BSN: variants seen among roughly 807,000 people sequenced by gnomAD.
BSN encodes bassoon presynaptic cytomatrix protein.
Under a neutral mutation model 264.8 loss-of-function variants are expected in BSN, and 57 were observed. That is an observed-to-expected ratio of 0.22 (90% CI 0.17 to 0.27). The LOEUF (loss-of-function observed/expected upper bound fraction) is 0.27. Among genes scored for constraint, BSN ranks in the 10% least tolerant of loss-of-function variants. The pLI is 1.00. For missense variants in BSN, 4,615 were observed against 5,232.5 expected, an observed-to-expected ratio of 0.88 and a Z score of 3.64; for synonymous variants, 2,059 against 2,137.3, an observed-to-expected ratio of 0.96 and a Z score of 1.01.
intron 2 of BSN, among the ~76,000 whole-genome samples, chr3:49,632,031 G>A (rs551211569): frequency 3.0e-4 from 45 of 152,196 alleles, no homozygotes; most frequent in South Asian, 2.7e-3. Context: ...TCACATATAC[G>A]GTCAGATGAT....
downstream of BSN, among the ~76,000 whole-genome samples, chr3:49,673,087 C>CTTTTTTTTTTTTTTTTTTTTTTTTT (rs71080543): frequency 5.6e-4 from 24 of 43,210 alleles, 5 homozygotes; most frequent in Non-Finnish European, 6.9e-4. Flanking sequence ...CCGGCCGGGA[C>CTTTTTTTTTTTTTTTTTTTTTTTTT]TTTTTTTTTT....
intron 1 of BSN, among the ~76,000 whole-genome samples, chr3:49,575,490 ATATG>A (rs1002211052): frequency 6.8e-5 from 10 of 147,600 alleles, no homozygotes; most frequent in African/African-American, 2.2e-4. Context: ...ATGTAAATAT[ATATG>A]TGTGTGTATA....
chr3:49,657,264 T>C lies in BSN; in HGVS notation c.7708T>C (p.Ser2570Pro), dbSNP rs779778120. The C allele has an allele frequency of 3.1e-6, 5 of 1,613,310 alleles. No homozygotes were observed. The South Asian group carries it at 3.3e-5, about 11-fold the overall frequency. The change falls in exon 5 of 12, where the codon TCT becomes CCT. Residue 2570 changes from serine (S) to proline (P), a missense_variant. Ser to Pro is a moderately conservative substitution (Grantham distance 74, BLOSUM62 -1). Around this residue, in one of 3 missense-constraint regions of BSN, gnomAD observed 3,415 missense variants for 3,866.4 expected, o/e 0.88. Coordinates refer to ENST00000296452, the MANE Select transcript of BSN (RefSeq NM_003458.4). Reference sequence around the variant, plus strand: ...CCTGCGGGATGCCTGTGAGCTAGAGTCTGGGACTGAGCCCTGTGTGGTCAG... The same window carrying C: ...CCTGCGGGATGCCTGTGAGCTAGAGCCTGGGACTGAGCCCTGTGTGGTCAG... ...PRLRDACELE[S>P]GTEPCVVRRI... is the part of the protein sequence containing the mutation.
At chr3:49,605,435 ATAT>A (rs2052108110) in intron 1 of BSN, among the ~76,000 whole-genome samples, 7 of 32,014 alleles carry the variant, frequency 2.2e-4, no homozygotes, top group African/African-American at 9.6e-4. Context: ...TATATAATAT[ATAT>A]TATATATATT....
chr3:49,636,281 G>A (rs2052419693), intron 2 of BSN, among the ~76,000 whole-genome samples: 1 of 152,162 alleles, frequency 6.6e-6, no homozygotes, highest in Admixed American at 6.5e-5. Flanking sequence ...CAGAAGCCAG[G>A]AGGGGAAGCT....
At chr3:49,628,976 C>T (rs1023124218) in intron 2 of BSN, among the ~76,000 whole-genome samples, 2 of 152,072 alleles carry the variant, frequency 1.3e-5, no homozygotes, top group Non-Finnish European at 2.9e-5. Flanking sequence ...TTAACCTGTC[C>T]GAAACCACAG....
At chr3:49,612,537 A>G (rs1018034146) in intron 1 of BSN, among the ~76,000 whole-genome samples, 2 of 152,198 alleles carry the variant, frequency 1.3e-5, no homozygotes, top group South Asian at 2.1e-4. Flanking sequence ...ATTATGATCT[A>G]TTGGACTGGT....
chr3:49,570,443 A>G (rs771088989), intron 1 of BSN, among the ~76,000 whole-genome samples: 4 of 152,144 alleles, frequency 2.6e-5, no homozygotes, highest in South Asian at 2.1e-4. Flanking sequence ...CCATGCTGTC[A>G]TTGGTACTTT....
At chr3:49,614,170 C>T (rs146231194) in intron 1 of BSN, among the ~76,000 whole-genome samples, 13,040 of 151,286 alleles carry the variant, frequency 0.086, 817 homozygotes, top group Non-Finnish European at 0.13. Flanking sequence ...TGCCATTCTC[C>T]TGTCTCAGCC....
intron 5 of BSN, among the ~76,000 whole-genome samples, chr3:49,659,740 A>G (rs1175203854): frequency 1.3e-5 from 2 of 152,188 alleles, no homozygotes; most frequent in East Asian, 3.8e-4. Flanking sequence ...CCAGGAAGCC[A>G]TGCTGCTGGA....
chr3:49,584,466 C>G (rs2051919195), intron 1 of BSN, among the ~76,000 whole-genome samples: 1 of 151,710 alleles, frequency 6.6e-6, no homozygotes, highest in African/African-American at 2.4e-5. Flanking sequence ...GGTCTTTTCT[C>G]TTTTTTGTTT....
At position 49,615,552 on chromosome 3, in the gene BSN, C is replaced by G. The variant is rs573669618; in HGVS notation, c.225-9423C>G. On this transcript the variant is annotated intron_variant, in intron 1 of 11. Coordinates refer to ENST00000296452, the MANE Select transcript of BSN (RefSeq NM_003458.4). ...GCCTATGGCATGACCTCTCACCCTGCCCAGGAACCCTGGGTGTGGTACCTT... is the reference window on the plus strand; with the variant it reads ...GCCTATGGCATGACCTCTCACCCTGGCCAGGAACCCTGGGTGTGGTACCTT... Among the ~76,000 whole-genome samples the G allele has an allele frequency of 2.0e-5, 3 of 152,286 alleles. No homozygotes were observed. In the East Asian group the frequency reaches 5.8e-4, roughly 29 times the overall value.
rs1458326227 is a variant in BSN at position 49,662,007 on chromosome 3, T to C, written c.10162T>C (p.Tyr3388His). The C allele has an allele frequency of 1.9e-6, 3 of 1,613,808 alleles. No individual in the cohort carries two copies. In the East Asian group the frequency reaches 6.7e-5, roughly 36 times the overall value. Reference protein sequence around the residue: ...AKDVESDLASYPPPAVSSSLV... With the variant: ...AKDVESDLASHPPPAVSSSLV... ...AGACGTAGAGTCAGACCTGGCGTCC[T>C]ACCCCCCACCTGCAGTCAGCAGCAG... Residue 3388 changes from tyrosine (Y) to histidine (H), a missense_variant, in exon 6 of 12, where the codon TAC becomes CAC. Tyr to His is a moderately conservative substitution (Grantham distance 83, BLOSUM62 2). Coordinates refer to ENST00000296452, the MANE Select transcript of BSN (RefSeq NM_003458.4).
chr3:49,655,608 T>G lies in BSN; in HGVS notation c.6052T>G (p.Ser2018Ala). 3.1e-6 allele frequency: 5 copies of G among 1,613,646 alleles called. No homozygotes were observed. Among genetic ancestry groups the G allele is most frequent in the Non-Finnish European group, 4.2e-6 (5 of 1,179,998 alleles). ...PGRDSAMDLS[S>A]LKHSYSLGFA... ...ACGAGACTCGGCTATGGACCTCAGC[T>G]CACTGAAGCACTCCTACAGCCTGGG... The change falls in exon 5 of 12, where the codon TCA (serine) becomes GCA (alanine). Residue 2018 changes from serine to alanine, a missense_variant. Coordinates refer to ENST00000296452, the MANE Select transcript of BSN (RefSeq NM_003458.4).
At chr3:49,576,467 C>G (rs2051846392) in intron 1 of BSN, among the ~76,000 whole-genome samples, 1 of 150,190 alleles carries the variant, frequency 6.7e-6, no homozygotes, top group Admixed American at 6.7e-5. Context: ...GTCACTCAGG[C>G]TGGAATGCAG....
In BSN at chr3:49,656,128, A is replaced by C; in HGVS notation, c.6572A>C (p.Asp2191Ala). Residue 2191 changes from aspartate to alanine, a missense_variant, in exon 5 of 12, where the codon GAT (aspartate) becomes GCT (alanine). Physicochemically the swap from Asp to Ala is moderately radical, Grantham distance 126. Transcript: ENST00000296452. ...LPSTATVRAA[D>A]GMIYSTINTP... is the part of the protein sequence containing the mutation. ...TCCACAGCCACTGTACGTGCAGCTG[A>C]TGGCATGATCTACTCGACTATCAAT... The C allele has an allele frequency of 3.7e-6, 6 of 1,612,992 alleles. No individual in the cohort carries two copies. The highest frequency in any genetic ancestry group is 5.1e-6 in the Non-Finnish European group (6 of 1,179,980).
intron 1 of BSN, among the ~76,000 whole-genome samples, chr3:49,597,646 T>C (rs1488661607): frequency 6.6e-6 from 1 of 152,150 alleles, no homozygotes; most frequent in Non-Finnish European, 1.5e-5. Context: ...TTGTACTTTT[T>C]TTTTCTTCTT....
chr3:49,643,584 G>A (rs2052484547), intron 3 of BSN, among the ~76,000 whole-genome samples: 1 of 152,208 alleles, frequency 6.6e-6, no homozygotes, highest in Admixed American at 6.5e-5. Flanking sequence ...CCCACATCCA[G>A]GGTGGGGTGG....
At chr3:49,640,685 A>T (rs1559611636) in intron 2 of BSN, 1 of 152,112 alleles carries the variant, frequency 6.6e-6, no homozygotes, top group Non-Finnish European at 1.5e-5. Context: ...TTTTCAGTAG[A>T]GATGGGGTTT....
Sources: allele counts gnomAD v4.1 joint callset (sites outside exome capture counted in the v4.1 genomes callset), GRCh38; gene constraint gnomAD v4.1.1; regional missense constraint gnomAD v4.1.1; transcripts MANE v1.5; gene names NCBI Gene and HGNC (gene_info 2026-07-23, HGNC 2026-07-21).